The following FHIP1A variants were observed in gnomAD, a reference collection of about 807,000 sequenced individuals.
The protein encoded by FHIP1A is FHF complex subunit HOOK-interacting protein 1A.
In FHIP1A, 61 loss-of-function variants were observed where a neutral mutation model predicts 88.6. The observed-to-expected ratio is 0.69, with a 90% CI of 0.56 to 0.85. The LOEUF is 0.85. Among genes scored for constraint, FHIP1A ranks in the 40% least tolerant of loss-of-function variants. The pLI is 0.00. For synonymous variants in FHIP1A, 478 were observed against 496.0 expected (o/e 0.96, Z 0.48); for missense variants, 1,154 against 1,273.5 (o/e 0.91, Z 1.43).
intron 4 of FHIP1A, among the ~76,000 whole-genome samples, chr4:151,570,201 G>T (rs1307066324): frequency 6.6e-6 from 1 of 152,054 alleles, no homozygotes; most frequent in Non-Finnish European, 1.5e-5. Flanking sequence ...AGTTGCTTGG[G>T]GTTCCTAGCC....
intron 3 of FHIP1A, among the ~76,000 whole-genome samples, chr4:151,489,128 G>A (rs994851468): frequency 6.6e-5 from 10 of 152,204 alleles, no homozygotes; most frequent in African/African-American, 1.9e-4. Flanking sequence ...AGGAGGAGAA[G>A]TCTGCCTCTG....
chr4:151,491,754 C>A (rs2126648142), intron 3 of FHIP1A, among the ~76,000 whole-genome samples: 1 of 152,224 alleles, frequency 6.6e-6, no homozygotes, highest in East Asian at 1.9e-4. Flanking sequence ...AGAGACTCAC[C>A]TAACACATAG....
rs572883817 is a variant in FHIP1A, at chr4:151,618,778, C to A, written c.979-10924C>A. Among the ~76,000 whole-genome samples, 16 of 152,330 alleles carry A rather than the reference C, an allele frequency of 1.1e-4. No homozygotes were observed. In the South Asian group the frequency reaches 3.3e-3, roughly 32 times the overall value. Reference sequence around the variant, plus strand: ...TATTACTTCACTTGCCCATGGTCACCAGATGCTAAGAATTAAAATGCAAGT... The same window carrying A: ...TATTACTTCACTTGCCCATGGTCACAAGATGCTAAGAATTAAAATGCAAGT... On this transcript the variant is annotated intron_variant, in intron 7 of 13. Transcript: ENST00000435205.
chr4:151,561,133 A>G (rs2126763458), intron 3 of FHIP1A, among the ~76,000 whole-genome samples: 1 of 152,266 alleles, frequency 6.6e-6, no homozygotes, highest in Non-Finnish European at 1.5e-5. Flanking sequence ...ACTGTTTTGA[A>G]GCATGTATTT....
intron 3 of FHIP1A, among the ~76,000 whole-genome samples, chr4:151,565,203 G>A (rs1307314516): frequency 6.6e-6 from 1 of 151,776 alleles, no homozygotes; most frequent in Non-Finnish European, 1.5e-5. Flanking sequence ...ATAATATTTT[G>A]AATTATACCC....
chr4:151,425,058 A>G (rs1279859051), intron 1 of FHIP1A, among the ~76,000 whole-genome samples: 2 of 152,196 alleles, frequency 1.3e-5, no homozygotes, highest in Non-Finnish European at 2.9e-5. Flanking sequence ...CCTACTGGTC[A>G]ATCTTACCAT....
chr4:151,460,657 T>A (rs991902143), intron 2 of FHIP1A, among the ~76,000 whole-genome samples: 1 of 152,242 alleles, frequency 6.6e-6, no homozygotes, highest in African/African-American at 2.4e-5. Flanking sequence ...TATTGTCTCA[T>A]TAGAGTTAAG....
At chr4:151,580,478 G>C (rs372248336) in intron 5 of FHIP1A, among the ~76,000 whole-genome samples, 1 of 152,162 alleles carries the variant, frequency 6.6e-6, no homozygotes, top group Admixed American at 6.5e-5. Context: ...AGTATTAAGT[G>C]GTAACTGTGT....
intron 3 of FHIP1A, among the ~76,000 whole-genome samples, chr4:151,564,324 C>T (rs1733295638): frequency 6.6e-6 from 1 of 152,092 alleles, no homozygotes; most frequent in Non-Finnish European, 1.5e-5. Flanking sequence ...AATGAAAGGC[C>T]TTGACATTTT....
At chr4:151,509,480 C>T (rs1268681293) in intron 3 of FHIP1A, among the ~76,000 whole-genome samples, 1 of 152,092 alleles carries the variant, frequency 6.6e-6, no homozygotes, top group Admixed American at 6.5e-5. Context: ...CTTTACCTTC[C>T]TGGGGTAGTG....
Position 151,649,773 on chromosome 4 carries a change from G to T in FHIP1A, c.1732G>T (p.Glu578Ter), listed in dbSNP as rs1021248667. The change falls in exon 11 of 14, where the codon GAA becomes TAA. Residue 578 changes from glutamate (E) to a stop codon, truncating the protein, a stop_gained. Coordinates refer to ENST00000435205, the MANE Select transcript of FHIP1A (RefSeq NM_001109977.3). LOFTEE classifies it high-confidence loss of function. ...PRKDKSQTEL[E>*]WDDSYDTGIS... ...AAAGGACAAGAGCCAGACAGAGCTG[G>T]AATGGGATGACAGCTATGACACTGG... The T allele has an allele frequency of 6.4e-7, 1 of 1,551,584 alleles. No homozygotes were observed. Among genetic ancestry groups the T allele is most frequent in the African/African-American group, 1.4e-5 (1 of 73,044 alleles).
At chr4:151,635,547 C>G (rs192361105) in intron 8 of FHIP1A, among the ~76,000 whole-genome samples, 2 of 151,492 alleles carry the variant, frequency 1.3e-5, no homozygotes, top group Non-Finnish European at 3.0e-5. Flanking sequence ...GTTATTCAAC[C>G]TTAAAAAAAA....
chr4:151,485,132 CAT>C (rs1282021762), intron 3 of FHIP1A, among the ~76,000 whole-genome samples: 1 of 152,190 alleles, frequency 6.6e-6, no homozygotes, highest in African/African-American at 2.4e-5. Context: ...TCATTTTGCA[CAT>C]ATCTTTTCAT....
At chr4:151,455,701 A>G (rs57549210) in intron 2 of FHIP1A, among the ~76,000 whole-genome samples, 2,992 of 152,284 alleles carry the variant, frequency 0.02, 120 homozygotes, top group African/African-American at 0.067. Context: ...GTGGGACCAC[A>G]TTTCAGTCTT....
At chr4:151,588,737 G>A (rs1366162981) in intron 6 of FHIP1A, 103 bp from the exon 7 acceptor site, 1 of 792,358 alleles carries the variant, frequency 1.3e-6, no homozygotes, top group Non-Finnish European at 2.2e-6. Flanking sequence ...TGGCCAAAAT[G>A]TGGATTTCCT....
chr4:151,548,784 T>C (rs751177682), intron 3 of FHIP1A, among the ~76,000 whole-genome samples: 26 of 152,036 alleles, frequency 1.7e-4, no homozygotes, highest in Non-Finnish European at 3.8e-4. Flanking sequence ...TAGCCAGGCG[T>C]GGTGGCACAC....
At chr4:151,526,821 G>A (rs1731679030) in intron 3 of FHIP1A, among the ~76,000 whole-genome samples, 1 of 151,018 alleles carries the variant, frequency 6.6e-6, no homozygotes, top group Non-Finnish European at 1.5e-5. Context: ...GCGGTTGCCG[G>A]GCAGAGGGTC....
chr4:151,433,747 A>C (rs963206899), intron 1 of FHIP1A, among the ~76,000 whole-genome samples: 1 of 152,120 alleles, frequency 6.6e-6, no homozygotes, highest in Non-Finnish European at 1.5e-5. Context: ...TTTGTACTTC[A>C]CTGCTGATAA....
chr4:151,629,655 A>T, intron 7 of FHIP1A, 47 bp from the exon 8 acceptor site: 1 of 1,530,462 alleles, frequency 6.5e-7, no homozygotes, highest in Non-Finnish European at 8.8e-7. Context: ...CGTGTATCAC[A>T]GCATCAAAAG....
Sources: gnomAD v4.1 joint callset for allele counts (sites outside exome capture counted in the v4.1 genomes callset) on GRCh38, gnomAD v4.1.1 for gene constraint, MANE v1.5 for transcripts, NCBI Gene and HGNC (gene_info 2026-07-23, HGNC 2026-07-21) for gene names.